Variants in PIP5K1A observed in about 807,000 individuals in gnomAD.
The protein encoded by PIP5K1A is phosphatidylinositol-4-phosphate 5-kinase type 1 alpha.
In PIP5K1A, 46 loss-of-function variants were observed where a neutral mutation model predicts 72.9. That is an observed-to-expected ratio of 0.63 (90% CI 0.50 to 0.81). PIP5K1A has a LOEUF of 0.81. PIP5K1A is among the 30% of genes least tolerant of loss of function. The probability of loss-of-function intolerance (pLI) is 0.00; values close to 1 mark genes in which losing one functional copy is unlikely to be tolerated. For missense variants in PIP5K1A, 458 were observed against 706.1 expected (o/e 0.65, Z 3.98); for synonymous variants, 228 against 255.1 (o/e 0.89, Z 1.01).
chr1:151,215,584 C>T (rs587697472), intron 1 of PIP5K1A, among the ~76,000 whole-genome samples: 2 of 152,278 alleles, frequency 1.3e-5, no homozygotes, highest in Admixed American at 6.5e-5. Context: ...ATCACGCCTC[C>T]CAAAGTGCTG....
chr1:151,212,825 G>A lies in PIP5K1A; in HGVS notation c.86-11420G>A, dbSNP rs587726991. Among the ~76,000 whole-genome samples the A allele has an allele frequency of 1.8e-4, 27 of 150,610 alleles. No individual in the cohort carries two copies. The South Asian group carries it at 5.3e-3, about 29-fold the overall frequency. ...CTTGACCTCGTGATCTGCCTGCCTC[G>A]GCCTCACAAAGTGCTGGGATTATAC... On this transcript the variant is annotated intron_variant, in intron 1 of 15. Transcript: ENST00000368888.
intron 1 of PIP5K1A, among the ~76,000 whole-genome samples, chr1:151,217,204 G>T (rs897537416): frequency 3.3e-5 from 5 of 152,110 alleles, no homozygotes; most frequent in Non-Finnish European, 7.4e-5. Flanking sequence ...GAGCCATTGT[G>T]CCTAGCTGTA....
At chr1:151,224,635 C>T (rs1400709922) in intron 3 of PIP5K1A, among the ~76,000 whole-genome samples, 2 of 152,272 alleles carry the variant, frequency 1.3e-5, no homozygotes, top group Admixed American at 6.5e-5. Context: ...TGCATAGTTA[C>T]TAAGTGGGAT....
chr1:151,228,277 G>A (rs1042841372), intron 4 of PIP5K1A, among the ~76,000 whole-genome samples: 1 of 151,916 alleles, frequency 6.6e-6, no homozygotes, highest in Non-Finnish European at 1.5e-5. Context: ...TCAACCTCCT[G>A]AGTAGCTGGG....
At chr1:151,209,872 T>C (rs1161376722) in intron 1 of PIP5K1A, among the ~76,000 whole-genome samples, 1 of 151,854 alleles carries the variant, frequency 6.6e-6, no homozygotes, top group Non-Finnish European at 1.5e-5. Context: ...ACGACTAGCC[T>C]GCATTTTTTT....
intron 10 of PIP5K1A, chr1:151,238,545 G>C (rs1691210737): frequency 2.6e-6 from 1 of 388,872 alleles, no homozygotes; most frequent in Non-Finnish European, 4.8e-6. Context: ...TATGCCATCT[G>C]TCTGGCTCTT....
chr1:151,196,852 C>T (rs1167903934), upstream of PIP5K1A, among the ~76,000 whole-genome samples: 1 of 128,550 alleles, frequency 7.8e-6, no homozygotes, highest in African/African-American at 3.0e-5. Flanking sequence ...TGAGCCACTG[C>T]GCCCGGCCTT....
intron 1 of PIP5K1A, among the ~76,000 whole-genome samples, chr1:151,216,392 GT>G (rs1687622295): frequency 6.6e-6 from 1 of 151,476 alleles, no homozygotes; most frequent in Non-Finnish European, 1.5e-5. Context: ...TGGAGTGGTA[GT>G]TCATGGTCTT....
At chr1:151,228,696 T>C (rs587743279) in intron 4 of PIP5K1A, among the ~76,000 whole-genome samples, 119 of 152,106 alleles carry the variant, frequency 7.8e-4, no homozygotes, top group African/African-American at 2.7e-3. Context: ...TTAGCATCTG[T>C]GGTTTGTCTA....
At chr1:151,204,337 C>G (rs748724006) in intron 1 of PIP5K1A, among the ~76,000 whole-genome samples, 1 of 152,128 alleles carries the variant, frequency 6.6e-6, no homozygotes, top group South Asian at 2.1e-4. Context: ...CCAACACGCC[C>G]GGCTAATTTT....
In PIP5K1A at chr1:151,249,496, G is replaced by A. The variant is rs904527592; in HGVS notation, c.*1631G>A. 5 of 151,908 alleles carry A rather than the reference G, an allele frequency of 3.3e-5. No individual in the cohort carries two copies. The highest frequency in any genetic ancestry group is 1.2e-4 in the African/African-American group (5 of 41,328). The allele number at this position is 151,908 out of a possible 1,614,324, so 9.4% of individuals were successfully genotyped here. ...CAAATACAATATAAAAGTGATATATGGTTTTAATGTAATAAACTTTAATGA... is the reference window on the plus strand; with the variant it reads ...CAAATACAATATAAAAGTGATATATAGTTTTAATGTAATAAACTTTAATGA... On this transcript the variant is annotated 3_prime_UTR_variant, in exon 16 of 16. Transcript: ENST00000368888.
intron 3 of PIP5K1A, among the ~76,000 whole-genome samples, chr1:151,226,047 G>A (rs919975214): frequency 6.7e-6 from 1 of 150,034 alleles, no homozygotes; most frequent in African/African-American, 2.5e-5. Flanking sequence ...CTGAGTAGCT[G>A]AGATTACAGG....
rs587705040 is a variant in PIP5K1A at position 151,208,059 on chromosome 1, A to G, written c.85+8978A>G. 2.7e-4 allele frequency among the ~76,000 whole-genome samples: 41 copies of G among 151,954 alleles called. No homozygotes were observed. In the South Asian group the frequency reaches 8.1e-3, roughly 30 times the overall value. ...TTTTTAGTAGAAATGGGGTTTCTCC[A>G]TGTTGGGTCAGGCTGTTCTCGAACT... is the stretch of plus-strand genomic sequence containing the variant. On this transcript the variant is annotated intron_variant, in intron 1 of 15. Transcript: ENST00000368888.
chr1:151,239,950 T>C lies in PIP5K1A; in HGVS notation c.1279-5T>C. On this transcript the variant is annotated splice_polypyrimidine_tract_variant and splice_region_variant and intron_variant, in intron 11 of 15. Coordinates refer to ENST00000368888, the MANE Select transcript of PIP5K1A (RefSeq NM_001135638.2). ...TAACTCTATAGCATTTCTTCTGCTC[T>C]GCAGGACACTGTCTCAGTGCATCGC... The C allele has an allele frequency of 6.2e-7, 1 of 1,609,794 alleles. No individual in the cohort carries two copies. The highest frequency in any genetic ancestry group is 8.5e-7 in the Non-Finnish European group (1 of 1,176,296).
chr1:151,229,261 C>T (rs752659712), intron 4 of PIP5K1A, among the ~76,000 whole-genome samples: 7 of 150,450 alleles, frequency 4.7e-5, no homozygotes, highest in Non-Finnish European at 8.9e-5. Flanking sequence ...GTTGATGGCA[C>T]ACTGCAGCCT....
intron 4 of PIP5K1A, among the ~76,000 whole-genome samples, chr1:151,229,521 CT>C (rs755303485): frequency 4.0e-5 from 6 of 151,676 alleles, no homozygotes; most frequent in Admixed American, 6.6e-5. Context: ...ACCACCATGC[CT>C]GGATAATTTT....
rs587725808 is a variant in PIP5K1A at position 151,245,990 on chromosome 1, T to C, written c.1641-930T>C. ...GTCTGGGTGTGGTGGCTCACACCTA[T>C]AATCCTGGCACTTTGGGAGGCCGAG... On this transcript the variant is annotated intron_variant, in intron 14 of 15. Coordinates refer to ENST00000368888, the MANE Select transcript of PIP5K1A (RefSeq NM_001135638.2). Among the ~76,000 whole-genome samples the C allele has an allele frequency of 3.9e-5, 6 of 152,274 alleles. No individual in the cohort carries two copies. The South Asian group carries it at 1.2e-3, about 32-fold the overall frequency.
At chr1:151,205,790 T>TC (rs1208493359) in intron 1 of PIP5K1A, among the ~76,000 whole-genome samples, 1 of 151,992 alleles carries the variant, frequency 6.6e-6, no homozygotes, top group East Asian at 1.9e-4. Context: ...AGAGCAAGAC[T>TC]CCGTCTCAAA....
upstream of PIP5K1A, among the ~76,000 whole-genome samples, chr1:151,197,527 C>T (rs1218952716): frequency 6.6e-6 from 1 of 152,130 alleles, no homozygotes; most frequent in Non-Finnish European, 1.5e-5. Context: ...GATCCACCCG[C>T]CTCGGCCTCC....
Sources: allele counts gnomAD v4.1 joint callset (sites outside exome capture counted in the v4.1 genomes callset), GRCh38; gene constraint gnomAD v4.1.1; transcripts MANE v1.5; gene names NCBI Gene and HGNC (gene_info 2026-07-23, HGNC 2026-07-21).